PPL: variants seen among roughly 807,000 people sequenced by gnomAD.
PPL encodes periplakin, also known as 190 kDa paraneoplastic pemphigus antigen.
A neutral mutation model predicts 194.4 loss-of-function variants in PPL; 198 were observed. The ratio of observed to expected loss-of-function variants is 1.02; its 90% CI spans 0.91 to 1.15. The LOEUF (loss-of-function observed/expected upper bound fraction) is 1.15, where lower values mean the gene tolerates loss of function less well. Among genes scored for constraint, PPL ranks in the 50% most tolerant of loss-of-function variants. The pLI is 0.00. For missense variants in PPL, 2,885 were observed against 2,294.8 expected, an observed-to-expected ratio of 1.26 and a Z score of -5.25; for synonymous variants, 1,220 against 972.4, an observed-to-expected ratio of 1.25 and a Z score of -4.74.
At chr16:4,891,646 C>G (rs1465406544) in intron 16 of PPL, 165 bp downstream of exon 16, 2 of 813,564 alleles carry the variant, frequency 2.5e-6, no homozygotes, top group Admixed American at 2.7e-5. Context: ...CCGTGAATAG[C>G]TTGGATTTGT....
intron 1 of PPL, among the ~76,000 whole-genome samples, chr16:4,932,266 C>T (rs1168927414): frequency 2.0e-5 from 3 of 152,122 alleles, no homozygotes; most frequent in East Asian, 1.9e-4. Flanking sequence ...TGAGAAATGG[C>T]GGGGCGGCTC....
chr16:4,922,765 G>A (rs1240474068), intron 1 of PPL, among the ~76,000 whole-genome samples: 1 of 126,282 alleles, frequency 7.9e-6, no homozygotes, highest in East Asian at 2.3e-4. Context: ...CAGACCCCCG[G>A]CCGTCCACAC....
In PPL at chr16:4,887,275, G is replaced by T. The variant is rs1202824958; in HGVS notation, c.2515-48C>A. 13 of 1,399,004 alleles carry T rather than the reference G, an allele frequency of 9.3e-6. No individual in the cohort carries two copies. The Admixed American group carries it at 2.2e-4, about 23-fold the overall frequency. The allele number at this position is 1,399,004 out of a possible 1,614,324, so 86.7% of individuals were successfully genotyped here. A position where few individuals can be genotyped will look rare whatever the true frequency, so the allele number is the denominator to read the frequency against. On this transcript the variant is annotated intron_variant, in intron 20 of 21. Transcript: ENST00000345988. ...AGCGGTCAACAAACAGGTGTCAACA[G>T]GGTAAGCAACAGAGAGCTAGACAGC...
At position 4,884,308 on chromosome 16, in the gene PPL, C is replaced by T. The variant is rs570641826; in HGVS notation, c.4347G>A (p.Leu1449=). ...EKVTHTQKVV[L]QQDPQQAREH... is the part of the protein sequence containing the mutation. ...CTCGCGCCTGCTGCGGGTCCTGCTG[C>T]AGCACCACCTTCTGCGTATGGGTTA... Residue 1449 remains leucine (L), a synonymous_variant, in exon 22 of 22, where the codon CTG becomes CTA. Transcript: ENST00000345988. This position sits in a 1 kb window ranked among gnomAD's most constrained non-coding sequence, Gnocchi z 5.7. The T allele has an allele frequency of 6.2e-7, 1 of 1,612,704 alleles. No homozygotes were observed. Among genetic ancestry groups the T allele is most frequent in the South Asian group, 1.1e-5 (1 of 91,054 alleles).
At chr16:4,903,115 GC>G in intron 3 of PPL, among the ~76,000 whole-genome samples, 1 of 152,316 alleles carries the variant, frequency 6.6e-6, no homozygotes, top group East Asian at 1.9e-4. Flanking sequence ...ATCCAGCAGG[GC>G]CCACAGTGTG....
At chr16:4,895,217 A>G (rs2088400804) in intron 11 of PPL, 44 bp downstream of exon 11, 2 of 1,539,172 alleles carry the variant, frequency 1.3e-6, no homozygotes, top group Non-Finnish European at 1.8e-6. Context: ...ATGTTACCCC[A>G]AAAACTTTGT....
intron 18 of PPL, 59 bp downstream of exon 18, chr16:4,890,125 T>C (rs2088290829): frequency 6.2e-7 from 1 of 1,611,972 alleles, no homozygotes; most frequent in East Asian, 2.2e-5. Context: ...AAGGGGCTTG[T>C]TGACCTCTGA....
At chr16:4,933,291 G>A (rs778054082) in intron 1 of PPL, among the ~76,000 whole-genome samples, 1 of 152,120 alleles carries the variant, frequency 6.6e-6, no homozygotes, top group African/African-American at 2.4e-5. Flanking sequence ...ATGCAGGAGC[G>A]CTCCATCAGG....
intron 11 of PPL, among the ~76,000 whole-genome samples, chr16:4,895,039 A>G (rs1040360443): frequency 2.6e-5 from 4 of 152,126 alleles, no homozygotes; most frequent in African/African-American, 9.7e-5. Context: ...ACTTCTGAGG[A>G]GGGACTGGGG....
intron 1 of PPL, among the ~76,000 whole-genome samples, chr16:4,928,615 C>T (rs146680114): frequency 3.3e-5 from 5 of 152,216 alleles, no homozygotes; most frequent in African/African-American, 7.2e-5. Context: ...TCTCTGCCTT[C>T]GCCATGGCGA....
Position 4,893,261 on chromosome 16 carries a change from C to T in PPL, c.1602G>A (p.Glu534=). 1 of 1,596,846 alleles carries T rather than the reference C, an allele frequency of 6.3e-7. No individual in the cohort carries two copies. Residue 534 remains glutamate (E), a synonymous_variant, in exon 14 of 22, where the codon GAG becomes GAA. Transcript: ENST00000345988. ...CACTGTCCTGCACAGCCCGGCCTTG[C>T]TCCAGTGGTGGCCGCAGGATCCCTG... ...AITGILRPPL[E]QGRAVQDSAE... is the part of the protein sequence containing the mutation.
Position 4,885,679 on chromosome 16 carries a change from G to T in PPL, c.2976C>A (p.Tyr992Ter). ...CGATGCGCAGGACCTCCTTGACCAC[G>T]TACTCCTGCCCCCCGTCTCTGGTCT... ...EQETRDGGQE[Y>*]VVKEVLRIEP... is the part of the protein sequence containing the mutation. Residue 992 changes from tyrosine (Y) to a stop codon, truncating the protein, a stop_gained, in exon 22 of 22, where the codon TAC (tyrosine) becomes TAA (stop). Coordinates refer to ENST00000345988, the MANE Select transcript of PPL (RefSeq NM_002705.5). LOFTEE classifies it high-confidence loss of function. This position sits in a 1 kb window ranked among gnomAD's most constrained non-coding sequence, Gnocchi z 6.3. 1 of 1,613,056 alleles carries T rather than the reference G, an allele frequency of 6.2e-7. No individual in the cohort carries two copies. The highest frequency in any genetic ancestry group is 8.5e-7 in the Non-Finnish European group (1 of 1,179,866).
rs1319569461 is a variant in PPL, at chr16:4,888,158, T to G, written c.2458A>C (p.Ser820Arg). ...SLLDLENGRR[S>R]HVSKRARLQS... The stretch of plus-strand genomic sequence containing the variant: ...AGCCTGGCTCTCTTGCTCACGTGGC[T>G]TCTCCTTCCATTCTCCAAGTCGAGA... The change falls in exon 20 of 22, where the codon AGC (serine) becomes CGC (arginine). Residue 820 changes from serine (S) to arginine (R), a missense_variant. Coordinates refer to ENST00000345988, the MANE Select transcript of PPL (RefSeq NM_002705.5). The G allele has an allele frequency of 1.2e-6, 2 of 1,614,046 alleles. No individual in the cohort carries two copies. Among genetic ancestry groups the G allele is most frequent in the Non-Finnish European group, 1.7e-6 (2 of 1,179,880 alleles).
At chr16:4,926,175 T>C (rs1445835483) in intron 1 of PPL, among the ~76,000 whole-genome samples, 1 of 152,184 alleles carries the variant, frequency 6.6e-6, no homozygotes, top group African/African-American at 2.4e-5. Context: ...CATAGCTCCA[T>C]TGCAGATGAG....
chr16:4,918,771 C>T (rs867267352), intron 1 of PPL, among the ~76,000 whole-genome samples: 4 of 152,178 alleles, frequency 2.6e-5, no homozygotes, highest in Admixed American at 6.5e-5. Context: ...TCCAGCTGGC[C>T]GCAGGAATCA....
intron 1 of PPL, among the ~76,000 whole-genome samples, chr16:4,928,042 A>T (rs566007879): frequency 5.3e-4 from 80 of 152,348 alleles, no homozygotes; most frequent in Non-Finnish European, 4.9e-4. Context: ...GCAGCTTTGA[A>T]TTCCTAGACT....
intron 1 of PPL, among the ~76,000 whole-genome samples, chr16:4,912,448 C>A (rs933404895): frequency 2.0e-5 from 3 of 152,260 alleles, no homozygotes; most frequent in African/African-American, 4.8e-5. Context: ...ATTCATTCAA[C>A]AGCTGACAAC....
intron 2 of PPL, among the ~76,000 whole-genome samples, chr16:4,907,079 TAAAAAAAAAA>T (rs57847738): frequency 1.3e-5 from 1 of 76,990 alleles, no homozygotes; most frequent in East Asian, 4.2e-4. Flanking sequence ...ACCCTATCTC[TAAAAAAAAAA>T]AAAAAAAAAA....
In PPL at chr16:4,899,067, G is replaced by A. The variant is rs150375463; in HGVS notation, c.822C>T (p.His274=). The change falls in exon 8 of 22, where the codon CAC becomes CAT. Residue 274 remains histidine (H), a synonymous_variant. Transcript: ENST00000345988. ...CCGCCAGCAGCTGGTCGCCCTCGCT[G>A]TGCAGTTTGTTGATTCTCTCCTCTT... The part of the protein sequence containing the change: ...EAKEERINKL[H]SEGDQLLAAE... 1.2e-6 allele frequency: 2 copies of A among 1,613,246 alleles called. No homozygotes were observed. The highest frequency in any genetic ancestry group is 1.1e-5 in the South Asian group (1 of 91,070).
Sources: allele counts gnomAD v4.1 joint callset (sites outside exome capture counted in the v4.1 genomes callset), GRCh38; gene constraint gnomAD v4.1.1; non-coding constraint Gnocchi (gnomAD v3.1); transcripts MANE v1.5; gene names NCBI Gene and HGNC (gene_info 2026-07-23, HGNC 2026-07-21).